Variants in RAI1 observed in about 807,000 individuals in gnomAD.
The protein encoded by RAI1 is retinoic acid-induced protein 1.
In RAI1, 9 loss-of-function variants were observed where a neutral mutation model predicts 123.8. That is an observed-to-expected ratio of 0.07 (90% confidence interval 0.04 to 0.13). The LOEUF is 0.13. Ranked by LOEUF, RAI1 falls within the 10% of genes least tolerant of loss-of-function variation. RAI1 has a pLI of 1.00. For missense variants in RAI1, 2,256 were observed against 2,545.8 expected (o/e 0.89, Z 2.45); for synonymous variants, 1,231 against 1,127.3 (o/e 1.09, Z -1.84).
intron 1 of RAI1, among the ~76,000 whole-genome samples, chr17:17,697,463 C>T (rs1020810049): frequency 2.6e-5 from 4 of 152,244 alleles, no homozygotes; most frequent in Non-Finnish European, 4.4e-5. Context: ...GCCAACGGCC[C>T]GCTCTAACAG....
At chr17:17,805,206 C>T (rs1339609887) in intron 4 of RAI1, among the ~76,000 whole-genome samples, 9 of 152,148 alleles carry the variant, frequency 5.9e-5, no homozygotes, top group African/African-American at 2.2e-4. Flanking sequence ...TTGGTTGATA[C>T]CTCTGCACAC....
intron 1 of RAI1, among the ~76,000 whole-genome samples, chr17:17,716,566 G>A (rs964485800): frequency 6.6e-6 from 1 of 152,178 alleles, no homozygotes; most frequent in Non-Finnish European, 1.5e-5. Flanking sequence ...GTGTGCATGT[G>A]TATGTGGTTT....
intron 2 of RAI1, among the ~76,000 whole-genome samples, chr17:17,747,245 C>A (rs1327744742): frequency 6.6e-6 from 1 of 152,118 alleles, no homozygotes; most frequent in East Asian, 1.9e-4. Context: ...AGCTCACAGA[C>A]CCCCACACGT....
intron 1 of RAI1, among the ~76,000 whole-genome samples, chr17:17,712,939 C>G (rs1049980243): frequency 6.7e-6 from 1 of 150,248 alleles, no homozygotes; most frequent in Non-Finnish European, 1.5e-5. Flanking sequence ...CCAGGACAGG[C>G]GAATCCAGAG....
intron 1 of RAI1, among the ~76,000 whole-genome samples, chr17:17,682,080 AT>A (rs1202915206): frequency 1.1e-5 from 1 of 92,904 alleles, no homozygotes; most frequent in Non-Finnish European, 2.1e-5. Context: ...GGGTGGGGGC[AT>A]GGGGGCGCGA....
rs371922153 is a variant in RAI1, at chr17:17,768,909, G to A, written c.-16-24024G>A. Reference sequence around the variant, plus strand: ...CCTTTCATGAGGGGGAGAGAGGAGAGGAGCAAGGCCCAGGCCACCTGGTAT... The same window carrying A: ...CCTTTCATGAGGGGGAGAGAGGAGAAGAGCAAGGCCCAGGCCACCTGGTAT... On this transcript the variant is annotated intron_variant, in intron 2 of 5. Transcript: ENST00000353383. 1.2e-4 allele frequency among the ~76,000 whole-genome samples: 19 copies of A among 152,328 alleles called. No homozygotes were observed. In the East Asian group the frequency reaches 1.5e-3, roughly 12 times the overall value.
chr17:17,744,449 A>G (rs1025175706), intron 2 of RAI1, among the ~76,000 whole-genome samples: 14 of 152,166 alleles, frequency 9.2e-5, no homozygotes, highest in Non-Finnish European at 1.6e-4. Context: ...CGTGGTTTTC[A>G]TTCAAAATCA....
At chr17:17,738,322 G>A (rs1916504356) in intron 2 of RAI1, among the ~76,000 whole-genome samples, 1 of 151,002 alleles carries the variant, frequency 6.6e-6, no homozygotes, top group South Asian at 2.1e-4. Flanking sequence ...GGGCTATGGT[G>A]TGAGTGGGGC....
intron 4 of RAI1, among the ~76,000 whole-genome samples, chr17:17,808,542 G>A (rs1360287971): frequency 6.6e-6 from 1 of 151,826 alleles, no homozygotes; most frequent in African/African-American, 2.4e-5. Context: ...CCGCCTCCCA[G>A]GCTCAAGTGA....
chr17:17,695,521 T>C (rs1598016810), intron 1 of RAI1, among the ~76,000 whole-genome samples: 1 of 145,106 alleles, frequency 6.9e-6, no homozygotes, highest in Non-Finnish European at 1.5e-5. Context: ...CCCCTGGTCT[T>C]TCTCTCTCTC....
chr17:17,737,961 G>C (rs1307183439), intron 2 of RAI1, among the ~76,000 whole-genome samples: 1 of 152,134 alleles, frequency 6.6e-6, no homozygotes, highest in East Asian at 1.9e-4. Flanking sequence ...CTGGTGGGGG[G>C]AGGGGGCGCC....
intron 1 of RAI1, among the ~76,000 whole-genome samples, chr17:17,713,293 G>A (rs1050348097): frequency 6.6e-6 from 1 of 152,136 alleles, no homozygotes. Context: ...AATCACCTAA[G>A]CCCAGGAGTT....
chr17:17,799,069 A>C lies in RAI1; in HGVS notation c.5565+556A>C, dbSNP rs530410021. 1.7e-4 allele frequency among the ~76,000 whole-genome samples: 26 copies of C among 152,288 alleles called. No individual in the cohort carries two copies. The East Asian group carries it at 4.6e-3, about 27-fold the overall frequency. On this transcript the variant is annotated intron_variant, in intron 3 of 5. Transcript: ENST00000353383. This position sits in a 1 kb window ranked among gnomAD's most constrained non-coding sequence, Gnocchi z 4.5. ...GTCCATGGGGTCACACAGTCACAAC[A>C]GGCAGGGCGGGGCAGATCCAGACCC...
chr17:17,683,158 G>A (rs577495546), intron 1 of RAI1, among the ~76,000 whole-genome samples: 1 of 152,208 alleles, frequency 6.6e-6, no homozygotes, highest in South Asian at 2.1e-4. Context: ...TCATGCCGCT[G>A]CCGGGCTGTT....
At chr17:17,773,058 T>C (rs2142995626) in intron 2 of RAI1, among the ~76,000 whole-genome samples, 1 of 19,804 alleles carries the variant, frequency 5.0e-5, no homozygotes, top group Middle Eastern at 0.026. Context: ...GATAGACTGA[T>C]GGGTGGGTGG....
At position 17,809,188 on chromosome 17, in the gene RAI1, G is replaced by A. The variant is rs2032655642; in HGVS notation, c.5660-202G>A. On this transcript the variant is annotated intron_variant, in intron 4 of 5. Transcript: ENST00000353383. This position sits in a 1 kb window ranked among gnomAD's most constrained non-coding sequence, Gnocchi z 4.9. ...GGAGGAGGTGAGGTGAGTCAAGACTGCCAGGCCAGGGGCCGCACCCGCGCC... is the reference window on the plus strand; with the variant it reads ...GGAGGAGGTGAGGTGAGTCAAGACTACCAGGCCAGGGGCCGCACCCGCGCC... 10 of 672,208 alleles carry A rather than the reference G, an allele frequency of 1.5e-5. No individual in the cohort carries two copies. Among genetic ancestry groups the A allele is most frequent in the Non-Finnish European group, 2.4e-5 (9 of 370,526 alleles). The allele number at this position is 672,208 out of a possible 1,614,324, so 41.6% of individuals were successfully genotyped here. A position where few individuals can be genotyped will look rare whatever the true frequency, so the allele number is the denominator to read the frequency against.
At position 17,800,182 on chromosome 17, in the gene RAI1, C is replaced by CTCTCTG. The variant is rs1555566536; in HGVS notation, c.5565+1674_5565+1675insGTCTCT. Among the ~76,000 whole-genome samples the CTCTCTG allele has an allele frequency of 1.9e-4, 6 of 31,872 alleles. No individual in the cohort carries two copies. Among genetic ancestry groups the CTCTCTG allele is most frequent in the African/African-American group, 1.4e-3 (6 of 4,306 alleles). The allele number at this position is 31,872 out of a possible 152,430, so 20.9% of individuals were successfully genotyped here. On this transcript the variant is annotated intron_variant, in intron 3 of 5. Coordinates refer to ENST00000353383, the MANE Select transcript of RAI1 (RefSeq NM_030665.4). The surrounding 1 kb of genome is among the most constrained non-coding windows in gnomAD (Gnocchi z 4.7). ...TCTCCTGCTTTCTGTCTCTCTCTGT[C>CTCTCTG]TCTCTCTCTCTCTCTCTCTCTCTCT...
Position 17,685,259 on chromosome 17 carries a change from A to G in RAI1, c.-149+3466A>G, listed in dbSNP as rs1317564493. Among the ~76,000 whole-genome samples the G allele has an allele frequency of 6.6e-6, 1 of 152,232 alleles. No homozygotes were observed. Among genetic ancestry groups the G allele is most frequent in the African/African-American group, 2.4e-5 (1 of 41,470 alleles). On this transcript the variant is annotated intron_variant, in intron 1 of 5. Transcript: ENST00000353383. The surrounding 1 kb of genome is among the most constrained non-coding windows in gnomAD (Gnocchi z 4.0). ...GCACCTGGGCACTGGGCCCAAGGGA[A>G]CAGGGATTTTCCAAGGACCCACTGT...
At chr17:17,791,690 C>T (rs2032017050) in intron 2 of RAI1, among the ~76,000 whole-genome samples, 1 of 152,238 alleles carries the variant, frequency 6.6e-6, no homozygotes, top group African/African-American at 2.4e-5. Flanking sequence ...GGGACTCGGC[C>T]AATGGCCAGC....
Sources: gnomAD v4.1 joint callset for allele counts (sites outside exome capture counted in the v4.1 genomes callset) on GRCh38, gnomAD v4.1.1 for gene constraint, Gnocchi (gnomAD v3.1) non-coding constraint, MANE v1.5 for transcripts, NCBI Gene and HGNC (gene_info 2026-07-23, HGNC 2026-07-21) for gene names.